The following SCLT1 variants were observed in gnomAD, a reference collection of about 807,000 sequenced individuals.
SCLT1 encodes sodium channel and clathrin linker 1.
A neutral mutation model predicts 112.8 loss-of-function variants in SCLT1; 78 were observed. The ratio of observed to expected loss-of-function variants is 0.69; its 90% CI spans 0.58 to 0.83. The LOEUF (loss-of-function observed/expected upper bound fraction) is 0.83, where lower values mean the gene tolerates loss of function less well. Ranked by LOEUF, SCLT1 falls within the 40% of genes least tolerant of loss-of-function variation. The pLI is 0.00. For missense variants in SCLT1, 747 were observed against 770.4 expected, an observed-to-expected ratio of 0.97 and a Z score of 0.36; for synonymous variants, 257 against 254.7, an observed-to-expected ratio of 1.01 and a Z score of -0.09.
rs796100605 is a variant in SCLT1, at chr4:129,025,067, G to A, written c.290+13974C>T. Reference sequence around the variant, plus strand: ...GACTATGTGAAAAGACCAAATCTACGTCTGATTGGTGTACCTGAAAGTGAC... The same window carrying A: ...GACTATGTGAAAAGACCAAATCTACATCTGATTGGTGTACCTGAAAGTGAC... On this transcript the variant is annotated intron_variant, in intron 5 of 20. Coordinates refer to ENST00000281142, the MANE Select transcript of SCLT1 (RefSeq NM_144643.4). 8.0e-4 allele frequency among the ~76,000 whole-genome samples: 122 copies of A among 152,258 alleles called. 1 individual carries two copies. The East Asian group carries it at 0.011, about 13-fold the overall frequency.
At chr4:129,069,597 T>C (rs1363209857) in intron 2 of SCLT1, among the ~76,000 whole-genome samples, 2 of 152,200 alleles carry the variant, frequency 1.3e-5, no homozygotes, top group African/African-American at 4.8e-5. Context: ...TTTGTGCACA[T>C]TAATCTTGTA....
chr4:129,039,898 GCGCACACACACACA>G (rs1427147121), intron 4 of SCLT1: 49 of 241,494 alleles, frequency 2.0e-4, no homozygotes, highest in Middle Eastern at 1.2e-3. Context: ...GTGTGCGCGC[GCGCACACACACACA>G]CACACACACA....
In SCLT1 at chr4:128,956,767, A is replaced by G. The variant is rs558376892; in HGVS notation, c.1146+259T>C. ...GCCCACAAAAAATACAGATAAAGAA[A>G]AAAAAGGAACATCTTTATTTTATCC... On this transcript the variant is annotated intron_variant, in intron 13 of 20. Coordinates refer to ENST00000281142, the MANE Select transcript of SCLT1 (RefSeq NM_144643.4). Among the ~76,000 whole-genome samples the G allele has an allele frequency of 8.6e-4, 131 of 152,260 alleles. 1 individual carries two copies. The highest frequency in any genetic ancestry group is 1.0e-3 in the Non-Finnish European group (71 of 67,978).
At chr4:129,070,503 A>G (rs2125751998) in intron 2 of SCLT1, among the ~76,000 whole-genome samples, 1 of 152,134 alleles carries the variant, frequency 6.6e-6, no homozygotes, top group South Asian at 2.1e-4. Flanking sequence ...GTATTTTTGC[A>G]GGAATTTATC....
intron 5 of SCLT1, among the ~76,000 whole-genome samples, chr4:129,025,511 TCAC>T (rs1745969042): frequency 6.6e-6 from 1 of 152,098 alleles, no homozygotes; most frequent in Admixed American, 6.5e-5. Flanking sequence ...AGAGATTTTG[TCAC>T]CACCAGGCCT....
chr4:128,880,799 G>A (rs950434407), downstream of SCLT1, among the ~76,000 whole-genome samples: 3 of 152,050 alleles, frequency 2.0e-5, no homozygotes, highest in Non-Finnish European at 4.4e-5. Context: ...AGTGACCCTC[G>A]AAGCATGATT....
At chr4:129,038,499 G>A (rs868208774) in intron 5 of SCLT1, among the ~76,000 whole-genome samples, 9 of 151,970 alleles carry the variant, frequency 5.9e-5, no homozygotes, top group Non-Finnish European at 7.4e-5. Flanking sequence ...ATCGCTTGGA[G>A]ATACACATAC....
chr4:129,028,209 G>A lies in SCLT1; in HGVS notation c.290+10832C>T, dbSNP rs529121860. 7.2e-4 allele frequency among the ~76,000 whole-genome samples: 110 copies of A among 152,132 alleles called. 1 individual carries two copies. Among genetic ancestry groups the A allele is most frequent in the Non-Finnish European group, 1.1e-3 (72 of 67,992 alleles). On this transcript the variant is annotated intron_variant, in intron 5 of 20. Transcript: ENST00000281142. ...TTCATATGGAACCAAAAAAGAGCCC[G>A]CATCGCCAAGTCAATCCTAAGCCAA...
chr4:129,033,973 G>A (rs1488091497), intron 5 of SCLT1, among the ~76,000 whole-genome samples: 1 of 152,134 alleles, frequency 6.6e-6, no homozygotes, highest in Non-Finnish European at 1.5e-5. Context: ...GCGGGCTTTG[G>A]GGAATGCTTT....
At chr4:128,982,728 C>T (rs1741767879) in intron 9 of SCLT1, among the ~76,000 whole-genome samples, 2 of 152,088 alleles carry the variant, frequency 1.3e-5, no homozygotes, top group South Asian at 4.1e-4. Flanking sequence ...TCTCAAACTC[C>T]TGACCTCAGG....
At chr4:128,968,525 T>C (rs1740403991) in intron 10 of SCLT1, among the ~76,000 whole-genome samples, 2 of 152,200 alleles carry the variant, frequency 1.3e-5, no homozygotes, top group Admixed American at 1.3e-4. Context: ...ATAGCTGACT[T>C]GAAGTCTCTG....
chr4:129,053,698 T>A (rs1749075039), intron 2 of SCLT1, among the ~76,000 whole-genome samples: 2 of 151,300 alleles, frequency 1.3e-5, no homozygotes, highest in Admixed American at 1.3e-4. Context: ...GGGTCTTGAC[T>A]CCTTATCCAA....
intron 3 of SCLT1, among the ~76,000 whole-genome samples, chr4:128,877,878 C>G (rs1055649836): frequency 3.3e-4 from 50 of 152,256 alleles, no homozygotes; most frequent in African/African-American, 1.2e-3. Flanking sequence ...TAGTTCCAGC[C>G]TTATTCTAGG....
intron 14 of SCLT1, among the ~76,000 whole-genome samples, chr4:128,949,587 T>C (rs182509226): frequency 6.6e-6 from 1 of 152,200 alleles, no homozygotes; most frequent in Non-Finnish European, 1.5e-5. Flanking sequence ...TGTCCATGTG[T>C]TCTCATTGTT....
At chr4:128,966,818 T>C (rs1740237919) in intron 10 of SCLT1, among the ~76,000 whole-genome samples, 1 of 152,062 alleles carries the variant, frequency 6.6e-6, no homozygotes, top group African/African-American at 2.4e-5. Context: ...TTGAAATATA[T>C]TATTCTAATA....
intron 4 of SCLT1, chr4:129,040,343 G>A: frequency 1.7e-6 from 1 of 595,510 alleles, no homozygotes; most frequent in South Asian, 2.0e-5. Context: ...CATGGCAAGA[G>A]GTTTGGATTT....
intron 18 of SCLT1, among the ~76,000 whole-genome samples, chr4:128,895,043 G>C (rs1473681390): frequency 1.3e-5 from 2 of 152,114 alleles, no homozygotes; most frequent in Non-Finnish European, 2.9e-5. Flanking sequence ...TACGTCTCTT[G>C]CATCTATTTT....
intron 9 of SCLT1, among the ~76,000 whole-genome samples, chr4:128,988,274 C>T (rs4975293): frequency 0.27 from 41,132 of 151,810 alleles, 5,970 homozygotes; most frequent in South Asian, 0.35. Flanking sequence ...ATTATAAATA[C>T]TACAACTTTT....
intron 4 of SCLT1, 185 bp from the exon 5 acceptor site, chr4:129,039,281 T>C: frequency 2.1e-6 from 1 of 475,668 alleles, no homozygotes. Context: ...CAATAAAACA[T>C]TCATTTTAAG....
Sources: allele counts gnomAD v4.1 joint callset (sites outside exome capture counted in the v4.1 genomes callset), GRCh38; gene constraint gnomAD v4.1.1; transcripts MANE v1.5; gene names NCBI Gene and HGNC (gene_info 2026-07-23, HGNC 2026-07-21).